The following ABCA13 variants were observed in gnomAD, a reference collection of about 807,000 sequenced individuals.
ABCA13 encodes ATP binding cassette subfamily A member 13.
In ABCA13, 476 loss-of-function variants were observed where a neutral mutation model predicts 478.7. The ratio of observed to expected loss-of-function variants is 0.99; its 90% CI spans 0.92 to 1.07. The LOEUF (loss-of-function observed/expected upper bound fraction) is 1.07. Among genes scored for constraint, ABCA13 ranks in the 50% least tolerant of loss-of-function variants. The pLI is 0.00. For synonymous variants in ABCA13, 2,252 were observed against 2,158.9 expected (o/e 1.04, Z -1.20); for missense variants, 6,060 against 5,910.6 (o/e 1.03, Z -0.83).
chr7:48,298,571 C>T, intron 23 of ABCA13, 84 bp downstream of exon 23: 10 of 1,462,746 alleles, frequency 6.8e-6, no homozygotes, highest in Non-Finnish European at 8.2e-6. Context: ...GTCCTTTCTT[C>T]CTTCTTGCCT....
At chr7:48,305,395 A>C (rs1343835749) in intron 23 of ABCA13, among the ~76,000 whole-genome samples, 1 of 152,166 alleles carries the variant, frequency 6.6e-6, no homozygotes, top group Non-Finnish European at 1.5e-5. Flanking sequence ...TCTGAGCTCA[A>C]ATGGGTCCCC....
intron 27 of ABCA13, among the ~76,000 whole-genome samples, chr7:48,325,932 A>G (rs1218615224): frequency 6.6e-6 from 1 of 152,158 alleles, no homozygotes; most frequent in African/African-American, 2.4e-5. Context: ...ATTGCCATGA[A>G]TCTGCACTCT....
intron 28 of ABCA13, among the ~76,000 whole-genome samples, 174 bp downstream of exon 28, chr7:48,335,709 A>G (rs1024135245): frequency 2.2e-4 from 34 of 152,242 alleles, no homozygotes; most frequent in African/African-American, 7.7e-4. Flanking sequence ...GTGAATTTTC[A>G]GTATTTTACC....
At chr7:48,496,968 G>GT (rs148786592) in intron 48 of ABCA13, among the ~76,000 whole-genome samples, 134 of 149,220 alleles carry the variant, frequency 9.0e-4, no homozygotes, top group African/African-American at 2.6e-3. Context: ...TAGGTTTATG[G>GT]TTTTTTTTTG....
chr7:48,597,186 G>C (rs1790386425), intron 58 of ABCA13, among the ~76,000 whole-genome samples: 1 of 152,142 alleles, frequency 6.6e-6, no homozygotes, highest in Non-Finnish European at 1.5e-5. Flanking sequence ...TCCTGACCTT[G>C]TGATCCGCCC....
rs1409759240 is a variant in ABCA13 at position 48,271,831 on chromosome 7, T to G, written c.2165T>G (p.Leu722Trp). ...CACCTTCTAATGATGGAAAAGAAGT[T>G]GCACACCCTTGAGGATGAACAAATG... is the stretch of plus-strand genomic sequence containing the variant. ...TKHLLMMEKK[L>W]HTLEDEQMNF... is the part of the protein sequence containing the mutation. The change falls in exon 17 of 62, where the codon TTG becomes TGG. Residue 722 changes from leucine (L) to tryptophan (W), a missense_variant. Leu to Trp is a moderately conservative substitution (Grantham distance 61). Around this residue, in one of 3 missense-constraint regions of ABCA13, gnomAD observed 4,423 missense variants for 4,309.1 expected, o/e 1.03. Transcript: ENST00000435803. 6.4e-7 allele frequency: 1 copy of G among 1,564,060 alleles called. No homozygotes were observed. The highest frequency in any genetic ancestry group is 1.2e-5 in the South Asian group (1 of 83,742).
At chr7:48,384,916 CT>C (rs1814949563) in intron 35 of ABCA13, among the ~76,000 whole-genome samples, 1 of 152,138 alleles carries the variant, frequency 6.6e-6, no homozygotes, top group Admixed American at 6.5e-5. Context: ...TCCAAATTTT[CT>C]TTTATGAGGA....
At chr7:48,386,302 C>G (rs912639777) in intron 35 of ABCA13, among the ~76,000 whole-genome samples, 1 of 152,186 alleles carries the variant, frequency 6.6e-6, no homozygotes, top group Admixed American at 6.5e-5. Flanking sequence ...ATTAAAATAG[C>G]CATACTGCCC....
At chr7:48,246,655 C>T (rs546942137) in intron 13 of ABCA13, among the ~76,000 whole-genome samples, 22 of 151,890 alleles carry the variant, frequency 1.4e-4, no homozygotes, top group Non-Finnish European at 2.9e-4. Flanking sequence ...AATAATGAAA[C>T]TAGTGAAATA....
chr7:48,241,187 T>C (rs1790778324), intron 10 of ABCA13, 121 bp downstream of exon 10: 2 of 1,241,472 alleles, frequency 1.6e-6, no homozygotes. Context: ...GAATTTCTTG[T>C]TAGCAAATGG....
At chr7:48,455,426 G>A in intron 43 of ABCA13, 140 bp downstream of exon 43, 1 of 1,262,136 alleles carries the variant, frequency 7.9e-7, no homozygotes, top group Non-Finnish European at 1.1e-6. Context: ...GAATTCACGA[G>A]GAGATCCTTG....
intron 43 of ABCA13, among the ~76,000 whole-genome samples, chr7:48,462,362 A>G (rs1353627340): frequency 1.3e-5 from 2 of 152,016 alleles, no homozygotes; most frequent in South Asian, 2.1e-4. Flanking sequence ...GGAGCAGTCT[A>G]TCTGAGTCTC....
intron 59 of ABCA13, among the ~76,000 whole-genome samples, chr7:48,633,338 C>T (rs1794313296): frequency 6.6e-6 from 1 of 152,054 alleles, no homozygotes; most frequent in Admixed American, 6.6e-5. Flanking sequence ...GACTTCAACA[C>T]CCCACTGACA....
chr7:48,373,663 A>G (rs139649720), intron 33 of ABCA13, among the ~76,000 whole-genome samples: 15 of 152,284 alleles, frequency 9.9e-5, no homozygotes, highest in Admixed American at 1.3e-4. Context: ...GTCCTTCCCC[A>G]TATACTCCTT....
chr7:48,492,772 C>A (rs1829952535), intron 48 of ABCA13, among the ~76,000 whole-genome samples: 2 of 152,050 alleles, frequency 1.3e-5, no homozygotes, highest in African/African-American at 2.4e-5. Flanking sequence ...ATTCCTGTAA[C>A]CCCAGAACTT....
In ABCA13 at chr7:48,250,700, C is replaced by CA. The variant is rs766273013; in HGVS notation, c.2005+1350dup. Reference sequence around the variant, plus strand: ...TACAAACTCATAACTGTATGATTCACAGGGAGTCCTCCTGTTCCCCAGAGA... The same window carrying CA: ...TACAAACTCATAACTGTATGATTCACAAGGGAGTCCTCCTGTTCCCCAGAGA... On this transcript the variant is annotated intron_variant, in intron 15 of 61. Coordinates refer to ENST00000435803, the MANE Select transcript of ABCA13 (RefSeq NM_152701.5). 7.9e-5 allele frequency among the ~76,000 whole-genome samples: 12 copies of CA among 152,308 alleles called. No individual in the cohort carries two copies. The East Asian group carries it at 2.3e-3, about 29-fold the overall frequency.
chr7:48,297,634 C>T (rs1198878986), intron 22 of ABCA13, among the ~76,000 whole-genome samples: 1 of 152,148 alleles, frequency 6.6e-6, no homozygotes, highest in Non-Finnish European at 1.5e-5. Context: ...CTTCTTGTAG[C>T]ATTAACATGC....
At position 48,278,630 on chromosome 7, in the gene ABCA13, T is replaced by C. The variant is rs1304278712; in HGVS notation, c.7436T>C (p.Val2479Ala). The C allele has an allele frequency of 6.2e-7, 1 of 1,613,656 alleles. No individual in the cohort carries two copies. Among genetic ancestry groups the C allele is most frequent in the Admixed American group, 1.7e-5 (1 of 60,024 alleles). Residue 2479 changes from valine to alanine, a missense_variant, in exon 18 of 62, where the codon GTT (valine) becomes GCT (alanine). Val to Ala is a moderately conservative substitution (Grantham distance 64). Transcript: ENST00000435803. ...RATLEITKRL[V>A]GAISRASEES... The stretch of plus-strand genomic sequence containing the variant: ...ACATTAGAAATTACTAAGAGATTAG[T>C]TGGTGCTATTTCAAGAGCAAGTGAA...
intron 55 of ABCA13, among the ~76,000 whole-genome samples, chr7:48,541,306 T>G (rs1266281779): frequency 6.6e-6 from 1 of 152,144 alleles, no homozygotes; most frequent in Non-Finnish European, 1.5e-5. Flanking sequence ...CACCATTGCT[T>G]GTTGCCTTAT....
Sources: gnomAD v4.1 joint callset for allele counts (sites outside exome capture counted in the v4.1 genomes callset) on GRCh38, gnomAD v4.1.1 for gene constraint, gnomAD v4.1.1 regional missense constraint, MANE v1.5 for transcripts, NCBI Gene and HGNC (gene_info 2026-07-23, HGNC 2026-07-21) for gene names.